The following TOP1MT variants were observed in gnomAD, a reference collection of about 807,000 sequenced individuals.
TOP1MT encodes DNA topoisomerase I, mitochondrial.
Under a neutral mutation model 73.9 loss-of-function variants are expected in TOP1MT, and 80 were observed. That is an observed-to-expected ratio of 1.08 (90% CI 0.90 to 1.30). The LOEUF (loss-of-function observed/expected upper bound fraction) is 1.30. Ranked by LOEUF, TOP1MT falls within the 50% of genes most tolerant of loss-of-function variation. The pLI, the probability that TOP1MT is intolerant of heterozygous loss-of-function variation, is 0.00. For missense variants in TOP1MT, 815 were observed against 808.0 expected (o/e 1.01, Z -0.10); for synonymous variants, 338 against 326.4 (o/e 1.04, Z -0.38).
chr8:143,316,311 CG>C (rs1816162148), intron 10 of TOP1MT, among the ~76,000 whole-genome samples, 185 bp from the exon 11 acceptor site: 3 of 152,208 alleles, frequency 2.0e-5, no homozygotes, highest in African/African-American at 7.2e-5. Flanking sequence ...CAGGGCCCAG[CG>C]TCTTTAACCA....
intron 7 of TOP1MT, among the ~76,000 whole-genome samples, chr8:143,322,704 C>CAA (rs1292214432): frequency 0.042 from 438 of 10,344 alleles, 19 homozygotes; most frequent in East Asian, 0.051. Flanking sequence ...CACACGCACG[C>CAA]CACACGCACG....
chr8:143,325,936 C>T (rs544516929), intron 4 of TOP1MT, among the ~76,000 whole-genome samples: 1 of 152,202 alleles, frequency 6.6e-6, no homozygotes, highest in East Asian at 1.9e-4. Context: ...AGCAAGAAGC[C>T]GACTGGCCTG....
upstream of TOP1MT, among the ~76,000 whole-genome samples, chr8:143,347,731 G>T (rs895458774): frequency 9.9e-5 from 15 of 151,972 alleles, no homozygotes; most frequent in African/African-American, 3.6e-4. Flanking sequence ...CAGCCAGCCA[G>T]CGGGGAAGAG....
chr8:143,331,266 G>A lies in TOP1MT; in HGVS notation c.196C>T (p.Pro66Ser), dbSNP rs1235032386. 2 of 1,612,374 alleles carry A rather than the reference G, an allele frequency of 1.2e-6. No homozygotes were observed. Among genetic ancestry groups the A allele is most frequent in the Admixed American group, 1.7e-5 (1 of 59,956 alleles). ...LEHKGPYFAP[P>S]YEPLPDGVRF... ...ACTCCGTCGGGAAGGGGCTCGTATG[G>A]GGGTGCGAAGTACGGGCCCTTGTGC... The change falls in exon 2 of 14, where the codon CCA (proline) becomes TCA (serine). Residue 66 changes from proline to serine, a missense_variant. Around this residue, in one of 3 missense-constraint regions of TOP1MT, gnomAD observed 751 missense variants for 725.4 expected, o/e 1.04. Coordinates refer to ENST00000329245, the MANE Select transcript of TOP1MT (RefSeq NM_052963.3).
At chr8:143,339,434 G>A (rs1817036590), upstream of TOP1MT, among the ~76,000 whole-genome samples, 1 of 152,160 alleles carries the variant, frequency 6.6e-6, no homozygotes, top group Non-Finnish European at 1.5e-5. Context: ...ATGTGACCTT[G>A]GCCCGGTTAC....
rs986523816 is a variant in TOP1MT, at chr8:143,310,054, C to T, written c.1703+14G>A. 2 of 1,610,244 alleles carry T rather than the reference C, an allele frequency of 1.2e-6. No individual in the cohort carries two copies. Among genetic ancestry groups the T allele is most frequent in the African/African-American group, 2.7e-5 (2 of 74,920 alleles). On this transcript the variant is annotated intron_variant, in intron 13 of 13. Coordinates refer to ENST00000329245, the MANE Select transcript of TOP1MT (RefSeq NM_052963.3). ...TAGGCCACAGGTGGGAACTGAGACC[C>T]CAGGCACACGCACCAGGCAATGCTG...
chr8:143,322,496 CCACA>C (rs1256421043), intron 7 of TOP1MT, among the ~76,000 whole-genome samples: 2 of 128,348 alleles, frequency 1.6e-5, no homozygotes, highest in African/African-American at 3.0e-5. Flanking sequence ...CACACGCACG[CCACA>C]CACACAGGCA....
upstream of TOP1MT, among the ~76,000 whole-genome samples, chr8:143,349,892 CA>C (rs1817293064): frequency 6.6e-6 from 1 of 152,164 alleles, no homozygotes. Context: ...CTGCCCACCT[CA>C]GCCTCCTAAA....
chr8:143,341,431 C>T lies in TOP1MT; in HGVS notation c.29+1789G>A, dbSNP rs1817078399. Among the ~76,000 whole-genome samples the T allele has an allele frequency of 6.6e-6, 1 of 152,196 alleles. No individual in the cohort carries two copies. Among genetic ancestry groups the T allele is most frequent in the Admixed American group, 6.5e-5 (1 of 15,274 alleles). ...TTGTCTGCAGGAACCTCCGTGTGGC[C>T]TTGGGACCTTGCCCAGAACAGAGAG... On this transcript the variant is annotated intron_variant, in intron 2 of 5. Transcript: ENST00000518007. This position sits in a 1 kb window ranked among gnomAD's most constrained non-coding sequence, Gnocchi z 4.1.
chr8:143,323,755 C>CA (rs1401561581), intron 7 of TOP1MT, among the ~76,000 whole-genome samples: 1,357 of 42,616 alleles, frequency 0.032, 153 homozygotes, highest in Non-Finnish European at 0.045. Flanking sequence ...ACATGCACGC[C>CA]CCACACAGAC....
At chr8:143,357,598 T>C (rs1211862658), upstream of TOP1MT, among the ~76,000 whole-genome samples, 1 of 151,720 alleles carries the variant, frequency 6.6e-6, no homozygotes, top group African/African-American at 2.4e-5. Flanking sequence ...CAGAGCAACA[T>C]AGTCAGGCCT....
At chr8:143,337,776 A>G (rs1441647681), upstream of TOP1MT, among the ~76,000 whole-genome samples, 2 of 152,330 alleles carry the variant, frequency 1.3e-5, no homozygotes, top group East Asian at 3.9e-4. Flanking sequence ...AAAAGGCAGA[A>G]GTGAAATTCA....
Position 143,342,844 on chromosome 8 carries a change from G to A in TOP1MT, c.29+376C>T, listed in dbSNP as rs186739287. Among the ~76,000 whole-genome samples the A allele has an allele frequency of 3.5e-3, 501 of 145,134 alleles. 9 individuals carry two copies. The East Asian group carries it at 0.041, about 12-fold the overall frequency. ...CTGTCACCCAGGCTGGAGTGCAGTG[G>A]CGTGATCTCGGCTCACTGCAACCTC... On this transcript the variant is annotated intron_variant, in intron 2 of 5. Transcript: ENST00000518007.
intron 3 of TOP1MT, among the ~76,000 whole-genome samples, chr8:143,326,916 C>T (rs973574057): frequency 6.6e-6 from 1 of 152,202 alleles, no homozygotes; most frequent in African/African-American, 2.4e-5. Context: ...CATTTGACGT[C>T]TATGGAGGGC....
rs1002729411 is a variant in TOP1MT at position 143,310,384 on chromosome 8, C to T, written c.1554-167G>A. On this transcript the variant is annotated intron_variant, in intron 12 of 13. Transcript: ENST00000329245. ...GACCAGCCGGGATCAAAGGTGGAAG[C>T]TCAGCCCCACCCCAGCTGCCAAGTC... 7.6e-5 allele frequency: 41 copies of T among 543,042 alleles called. 2 individuals are homozygous for T. The Middle Eastern group carries it at 1.5e-3, about 20-fold the overall frequency. 33.6% of individuals were successfully genotyped at this position (543,042 alleles called of 1,614,324 possible).
chr8:143,329,732 A>G (rs1323872282), intron 2 of TOP1MT, among the ~76,000 whole-genome samples: 1 of 152,180 alleles, frequency 6.6e-6, no homozygotes, highest in Non-Finnish European at 1.5e-5. Flanking sequence ...CTCCTCCTTT[A>G]CCACTTAACG....
chr8:143,340,094 CA>C lies in TOP1MT; in HGVS notation c.29+3125del, dbSNP rs1817049900. 1.4e-4 allele frequency among the ~76,000 whole-genome samples: 2 copies of C among 13,980 alleles called. 1 individual carries two copies. The highest frequency in any genetic ancestry group is 2.7e-4 in the Non-Finnish European group (2 of 7,352). The allele number at this position is 13,980 out of a possible 152,430, so 9.2% of individuals were successfully genotyped here. ...AGCACTGGTCTACACAGCATTCCCC[CA>C]CTCCCAGCACTGGTCTACACAGCAT... is the stretch of plus-strand genomic sequence containing the variant. On this transcript the variant is annotated intron_variant, in intron 2 of 5. Coordinates refer to the TOP1MT transcript ENST00000518007.
At chr8:143,328,517 G>A (rs779203486) in intron 3 of TOP1MT, among the ~76,000 whole-genome samples, 5 of 152,208 alleles carry the variant, frequency 3.3e-5, no homozygotes, top group Non-Finnish European at 7.3e-5. Context: ...CACTAGAAAG[G>A]TGCCTCGCAC....
intron 12 of TOP1MT, 75 bp downstream of exon 12, chr8:143,315,652 C>G (rs1302821295): frequency 2.6e-6 from 3 of 1,162,400 alleles, no homozygotes; most frequent in East Asian, 2.4e-5. Context: ...TCGTCTCCCA[C>G]CGACCCTGTG....
Sources: gnomAD v4.1 joint callset for allele counts (sites outside exome capture counted in the v4.1 genomes callset) on GRCh38, gnomAD v4.1.1 for gene constraint, gnomAD v4.1.1 regional missense constraint, Gnocchi (gnomAD v3.1) non-coding constraint, MANE v1.5 for transcripts, NCBI Gene and HGNC (gene_info 2026-07-23, HGNC 2026-07-21) for gene names.